COL5A1: variants seen among roughly 807,000 people sequenced by gnomAD.
COL5A1 encodes the protein collagen type V alpha 1 chain.
A neutral mutation model predicts 263.7 loss-of-function variants in COL5A1; 16 were observed. The ratio of observed to expected loss-of-function variants is 0.06; its 90% CI spans 0.04 to 0.09. COL5A1 has a LOEUF of 0.09. COL5A1 is among the 10% of genes least tolerant of loss of function. The pLI is 1.00. For missense variants in COL5A1, 2,036 were observed against 2,540.5 expected, an observed-to-expected ratio of 0.80 and a Z score of 4.27; for synonymous variants, 1,012 against 1,004.5, an observed-to-expected ratio of 1.01 and a Z score of -0.14.
Position 134,842,634 on chromosome 9 carries a change from T to G in COL5A1, c.*331T>G. 2.1e-6 allele frequency: 1 copy of G among 472,902 alleles called. No homozygotes were observed. Among genetic ancestry groups the G allele is most frequent in the Non-Finnish European group, 3.8e-6 (1 of 260,164 alleles). 29.3% of individuals were successfully genotyped at this position (472,902 alleles called of 1,614,324 possible). A position where few individuals can be genotyped will look rare whatever the true frequency, so the allele number is the denominator to read the frequency against. On this transcript the variant is annotated 3_prime_UTR_variant, in exon 66 of 66. Coordinates refer to ENST00000371817, the MANE Select transcript of COL5A1 (RefSeq NM_000093.5). The surrounding 1 kb of genome is among the most constrained non-coding windows in gnomAD (Gnocchi z 5.8). ...TCGCCCGACCCATCCTGTTCGTGAATAGGTCTCAGGGGTTGGGGGAGGGAC... is the reference window on the plus strand; with the variant it reads ...TCGCCCGACCCATCCTGTTCGTGAAGAGGTCTCAGGGGTTGGGGGAGGGAC...
At chr9:134,822,686 C>A (rs1198903362) in intron 59 of COL5A1, among the ~76,000 whole-genome samples, 2 of 150,508 alleles carry the variant, frequency 1.3e-5, no homozygotes, top group Non-Finnish European at 1.5e-5. Context: ...TTCCATCAGC[C>A]CCTTCTGAGC....
chr9:134,782,535 C>G lies in COL5A1; in HGVS notation c.2431-132C>G, dbSNP rs377708722. 4 of 856,258 alleles carry G rather than the reference C, an allele frequency of 4.7e-6. No homozygotes were observed. In the Admixed American group the frequency reaches 5.1e-5, roughly 11 times the overall value. 53.0% of individuals were successfully genotyped at this position (856,258 alleles called of 1,614,324 possible). ...CGAGGGATGGGCCCCAAGCCCACCCCGTCCGGGCCATGTGCTGCCCCCCAA... is the reference window on the plus strand; with the variant it reads ...CGAGGGATGGGCCCCAAGCCCACCCGGTCCGGGCCATGTGCTGCCCCCCAA... On this transcript the variant is annotated intron_variant, in intron 28 of 65. Transcript: ENST00000371817.
In COL5A1 at chr9:134,809,279, G is replaced by A; in HGVS notation, c.3463G>A (p.Asp1155Asn). ...TGGCCCTGTGGGTCCCCCTGGAGAA[G>A]ACGGAGATAAGGTAAGGCAAATCCA... ...PAGPVGPPGE[D>N]GDKGEIGEPG... is the part of the protein sequence containing the mutation. Residue 1155 changes from aspartate to asparagine, a missense_variant, in exon 43 of 66, where the codon GAC (aspartate) becomes AAC (asparagine). Coordinates refer to ENST00000371817, the MANE Select transcript of COL5A1 (RefSeq NM_000093.5). 1 of 1,608,824 alleles carries A rather than the reference G, an allele frequency of 6.2e-7. No individual in the cohort carries two copies. Among genetic ancestry groups the A allele is most frequent in the Non-Finnish European group, 8.5e-7 (1 of 1,178,290 alleles).
At chr9:134,810,766 A>G (rs1241305731) in intron 44 of COL5A1, among the ~76,000 whole-genome samples, 1 of 152,144 alleles carries the variant, frequency 6.6e-6, no homozygotes, top group Non-Finnish European at 1.5e-5. Flanking sequence ...GATGAGTGAC[A>G]TGTCTTCTTA....
rs1033565981 is a variant in COL5A1, at chr9:134,753,812, A to G, written c.1720-38A>G. ...GCCCTTCCTGTGTTCTCGAGTCCCCACCTCGAGCAGACATTAACACACACC... is the reference window on the plus strand; with the variant it reads ...GCCCTTCCTGTGTTCTCGAGTCCCCGCCTCGAGCAGACATTAACACACACC... On this transcript the variant is annotated intron_variant, in intron 14 of 65. Transcript: ENST00000371817. 18 of 1,231,236 alleles carry G rather than the reference A, an allele frequency of 1.5e-5. No individual in the cohort carries two copies. The African/African-American group carries it at 2.9e-4, about 20-fold the overall frequency. 76.3% of individuals were successfully genotyped at this position (1,231,236 alleles called of 1,614,324 possible).
chr9:134,704,185 G>A (rs1185460544), intron 4 of COL5A1, among the ~76,000 whole-genome samples: 1 of 152,162 alleles, frequency 6.6e-6, no homozygotes, highest in African/African-American at 2.4e-5. Flanking sequence ...TCAGGGCTGG[G>A]TTTGCATCCT....
At position 134,642,252 on chromosome 9, in the gene COL5A1, C is replaced by T; in HGVS notation, c.65C>T (p.Pro22Leu). Residue 22 changes from proline (P) to leucine (L), a missense_variant, in exon 1 of 66, where the codon CCG (proline) becomes CTG (leucine). Around this residue, in one of 3 missense-constraint regions of COL5A1, gnomAD observed 600 missense variants for 634.5 expected, o/e 0.95. Coordinates refer to ENST00000371817, the MANE Select transcript of COL5A1 (RefSeq NM_000093.5). The surrounding 1 kb of genome is among the most constrained non-coding windows in gnomAD (Gnocchi z 4.5). ...ALRPGAPLLP[P>L]LLLLLLWAPP... ...CGCCCGGGCGCCCCGCTGCTGCCCC[C>T]GCTGCTGCTGCTGCTGCTGTGGGCG... is the stretch of plus-strand genomic sequence containing the variant. The T allele has an allele frequency of 7.9e-7, 1 of 1,270,282 alleles. No homozygotes were observed. 78.7% of individuals were successfully genotyped at this position (1,270,282 alleles called of 1,614,324 possible).
intron 27 of COL5A1, among the ~76,000 whole-genome samples, chr9:134,777,843 C>T (rs1043229535): frequency 2.0e-5 from 3 of 152,210 alleles, no homozygotes; most frequent in Non-Finnish European, 4.4e-5. Flanking sequence ...CCCCAGGACT[C>T]AGGGCAGGGA....
At chr9:134,780,735 C>G (rs1344982420) in intron 28 of COL5A1, among the ~76,000 whole-genome samples, 1 of 152,240 alleles carries the variant, frequency 6.6e-6, no homozygotes, top group African/African-American at 2.4e-5. Flanking sequence ...TTGGGTGCAG[C>G]CTGCAGCGGC....
At chr9:134,786,085 G>A (rs746530332) in intron 31 of COL5A1, 37 bp downstream of exon 31, 16 of 1,570,642 alleles carry the variant, frequency 1.0e-5, no homozygotes, top group African/African-American at 4.1e-5. Flanking sequence ...CGGGACAGGC[G>A]GAGGGATGTT....
chr9:134,787,663 A>C (rs889522945), intron 31 of COL5A1, among the ~76,000 whole-genome samples: 1 of 152,254 alleles, frequency 6.6e-6, no homozygotes, highest in Non-Finnish European at 1.5e-5. Context: ...TAGGTGCTAC[A>C]GTCAGTGCAT....
chr9:134,723,405 G>A (rs565741921), intron 4 of COL5A1, among the ~76,000 whole-genome samples: 37 of 152,314 alleles, frequency 2.4e-4, no homozygotes, highest in African/African-American at 8.4e-4. Flanking sequence ...CCTGCAGGGA[G>A]AGCACCCGTC....
In COL5A1 at chr9:134,736,005, A is replaced by G. The variant is rs149175296; in HGVS notation, c.1390-2469A>G. Among the ~76,000 whole-genome samples, 1,194 of 146,560 alleles carry G rather than the reference A, an allele frequency of 8.1e-3. 14 individuals are homozygous for G. Among genetic ancestry groups the G allele is most frequent in the African/African-American group, 0.028 (1,091 of 38,732 alleles). On this transcript the variant is annotated intron_variant, in intron 9 of 65. Transcript: ENST00000371817. ...CTGGCTGGACATCTGCGGCCCCCCCAGCCGGGAGTCCCCTTGCCAGCCTGG... is the reference window on the plus strand; with the variant it reads ...CTGGCTGGACATCTGCGGCCCCCCCGGCCGGGAGTCCCCTTGCCAGCCTGG...
chr9:134,812,858 G>A, intron 48 of COL5A1, 146 bp downstream of exon 48: 2 of 708,742 alleles, frequency 2.8e-6, no homozygotes, highest in Non-Finnish European at 2.6e-6. Flanking sequence ...CTCTCTGTGT[G>A]TACACAGAGA....
At chr9:134,663,287 C>T (rs1248246782) in intron 1 of COL5A1, among the ~76,000 whole-genome samples, 2 of 152,202 alleles carry the variant, frequency 1.3e-5, no homozygotes, top group South Asian at 2.1e-4. Context: ...GTGTGGTGGC[C>T]GGGGGCCTGT....
At chr9:134,719,131 C>T (rs1035984523) in intron 4 of COL5A1, among the ~76,000 whole-genome samples, 5 of 152,206 alleles carry the variant, frequency 3.3e-5, no homozygotes, top group Admixed American at 6.5e-5. Context: ...GACTGAGTCC[C>T]AGGCACCTCG....
intron 26 of COL5A1, 84 bp downstream of exon 26, chr9:134,772,918 C>T: frequency 3.6e-6 from 5 of 1,399,568 alleles, no homozygotes; most frequent in East Asian, 2.3e-5. Flanking sequence ...TGCTCAGGGA[C>T]ATCCAGCTTG....
At chr9:134,749,363 A>C (rs1210608565) in intron 11 of COL5A1, among the ~76,000 whole-genome samples, 1 of 152,254 alleles carries the variant, frequency 6.6e-6, no homozygotes, top group Non-Finnish European at 1.5e-5. Context: ...CACTGGTTAC[A>C]TCCGGAGATG....
chr9:134,837,271 AAG>A (rs1353686716), intron 65 of COL5A1, among the ~76,000 whole-genome samples: 2 of 152,126 alleles, frequency 1.3e-5, no homozygotes, highest in Non-Finnish European at 2.9e-5. Flanking sequence ...CCATGGCAAA[AAG>A]GGAAACTAGC....
Sources: gnomAD v4.1 joint callset for allele counts (sites outside exome capture counted in the v4.1 genomes callset) on GRCh38, gnomAD v4.1.1 for gene constraint, gnomAD v4.1.1 regional missense constraint, Gnocchi (gnomAD v3.1) non-coding constraint, MANE v1.5 for transcripts, NCBI Gene and HGNC (gene_info 2026-07-23, HGNC 2026-07-21) for gene names.